FRMPD2: variants seen among roughly 807,000 people sequenced by gnomAD.
FRMPD2 encodes the protein FERM and PDZ domain containing 2.
FRMPD2 carries 96 observed loss-of-function variants against 140.1 expected under a neutral mutation model. The ratio of observed to expected loss-of-function variants is 0.69; its 90% CI spans 0.58 to 0.81. The LOEUF is 0.81. Among genes scored for constraint, FRMPD2 ranks in the 40% least tolerant of loss-of-function variants. The probability of loss-of-function intolerance (pLI) is 0.00; values close to 1 mark genes in which losing one functional copy is unlikely to be tolerated. For missense variants in FRMPD2, 1,240 were observed against 1,447.4 expected (o/e 0.86, Z 2.32); for synonymous variants, 449 against 547.6 (o/e 0.82, Z 2.52).
At chr10:48,195,745 G>A (rs1013213926) in intron 15 of FRMPD2, among the ~76,000 whole-genome samples, 5 of 152,124 alleles carry the variant, frequency 3.3e-5, no homozygotes, top group Non-Finnish European at 7.4e-5. Context: ...AAATGGGAAG[G>A]GTTCAGTAAA....
chr10:48,239,545 T>C, intron 7 of FRMPD2, 60 bp downstream of exon 7: 6 of 1,208,238 alleles, frequency 5.0e-6, no homozygotes, highest in Admixed American at 1.8e-5. Flanking sequence ...TAAGGTACCA[T>C]AGCCCCCACA....
intron 6 of FRMPD2, among the ~76,000 whole-genome samples, chr10:48,239,958 A>T (rs537438210): frequency 9.7e-4 from 147 of 152,258 alleles, no homozygotes; most frequent in African/African-American, 1.8e-3. Context: ...TAATTTTTTT[A>T]AAAAAAGCTC....
At chr10:48,198,998 C>G (rs143913410) in intron 15 of FRMPD2, among the ~76,000 whole-genome samples, 2,447 of 152,238 alleles carry the variant, frequency 0.016, 37 homozygotes, top group Middle Eastern at 0.041. Flanking sequence ...AACAGAAAAT[C>G]AAATACTGCA....
rs188195756 is a variant in FRMPD2, at chr10:48,239,039, T to C, written c.788+566A>G. ...CTCTCTCTCTCTCTCAGTTCCTCTC[T>C]GTCAGTTCTGCCATTGTCACGAGAA... is the stretch of plus-strand genomic sequence containing the variant. On this transcript the variant is annotated intron_variant, in intron 7 of 28. Transcript: ENST00000374201. Among the ~76,000 whole-genome samples, 360 of 152,330 alleles carry C rather than the reference T, an allele frequency of 2.4e-3. 2 individuals carry two copies. The highest frequency in any genetic ancestry group is 8.4e-3 in the African/African-American group (351 of 41,564).
intron 1 of FRMPD2, among the ~76,000 whole-genome samples, chr10:48,270,445 T>A (rs1158439276): frequency 6.6e-6 from 1 of 152,200 alleles, no homozygotes; most frequent in Non-Finnish European, 1.5e-5. Flanking sequence ...CAAAGATGTA[T>A]ATTCAAAGAT....
At chr10:48,191,800 C>G (rs954471468) in intron 16 of FRMPD2, among the ~76,000 whole-genome samples, 1 of 152,106 alleles carries the variant, frequency 6.6e-6, no homozygotes, top group Non-Finnish European at 1.5e-5. Flanking sequence ...ATTTATGAAT[C>G]GTTTTGTCAT....
intron 21 of FRMPD2, chr10:48,178,778 G>A (rs1223395494): frequency 6.5e-6 from 1 of 153,454 alleles, no homozygotes; most frequent in Non-Finnish European, 1.5e-5. Context: ...GCCCCAGCGT[G>A]AAGGCCTCTC....
intron 1 of FRMPD2, among the ~76,000 whole-genome samples, chr10:48,255,778 G>T (rs991150546): frequency 2.0e-5 from 3 of 152,160 alleles, no homozygotes; most frequent in African/African-American, 7.2e-5. Flanking sequence ...AGTTGAGAAG[G>T]CACCAGCCAT....
intron 14 of FRMPD2, among the ~76,000 whole-genome samples, chr10:48,202,562 GA>G (rs757529558): frequency 5.9e-5 from 9 of 152,256 alleles, no homozygotes; most frequent in Non-Finnish European, 1.2e-4. Context: ...GAATCCAATT[GA>G]ACTGTACTAT....
At chr10:48,209,638 T>C (rs1427767891) in intron 13 of FRMPD2, among the ~76,000 whole-genome samples, 1 of 152,232 alleles carries the variant, frequency 6.6e-6, no homozygotes, top group African/African-American at 2.4e-5. Flanking sequence ...CTTCCAGGCA[T>C]TTATAGCCCA....
chr10:48,227,406 A>T (rs543887119), intron 10 of FRMPD2, among the ~76,000 whole-genome samples: 4 of 152,340 alleles, frequency 2.6e-5, no homozygotes, highest in African/African-American at 7.2e-5. Flanking sequence ...ATGGCGAGCC[A>T]GCTGGCTAGG....
intron 13 of FRMPD2, among the ~76,000 whole-genome samples, chr10:48,208,459 C>A (rs1839248978): frequency 6.6e-6 from 1 of 152,176 alleles, no homozygotes; most frequent in Non-Finnish European, 1.5e-5. Flanking sequence ...ATCTTCAGAA[C>A]AATCACAGAG....
chr10:48,256,295 A>G (rs1840488736), intron 1 of FRMPD2, among the ~76,000 whole-genome samples: 1 of 149,890 alleles, frequency 6.7e-6, no homozygotes, highest in African/African-American at 2.4e-5. Context: ...AGCTGCAGGG[A>G]TCAGCCACCT....
At chr10:48,209,923 A>C (rs1839280126) in intron 13 of FRMPD2, among the ~76,000 whole-genome samples, 1 of 152,220 alleles carries the variant, frequency 6.6e-6, no homozygotes, top group Non-Finnish European at 1.5e-5. Context: ...TTAATTCAAA[A>C]GAAGTTTTCA....
chr10:48,238,916 C>G (rs1056769758), intron 7 of FRMPD2, among the ~76,000 whole-genome samples: 1 of 152,230 alleles, frequency 6.6e-6, no homozygotes, highest in Non-Finnish European at 1.5e-5. Context: ...ATATGGCCAA[C>G]AGAATGAAGT....
chr10:48,269,772 G>T (rs1840736261), intron 1 of FRMPD2, among the ~76,000 whole-genome samples: 1 of 152,190 alleles, frequency 6.6e-6, no homozygotes, highest in Non-Finnish European at 1.5e-5. Flanking sequence ...TGAAGAGGGG[G>T]TCCTTAACTC....
chr10:48,198,018 A>G (rs1420771337), intron 15 of FRMPD2, among the ~76,000 whole-genome samples: 3 of 152,232 alleles, frequency 2.0e-5, no homozygotes, highest in Non-Finnish European at 2.9e-5. Flanking sequence ...GTAAGTACTT[A>G]GCATAACACC....
At chr10:48,189,430 C>T (rs958628287) in intron 16 of FRMPD2, among the ~76,000 whole-genome samples, 17 of 152,336 alleles carry the variant, frequency 1.1e-4, no homozygotes, top group South Asian at 4.1e-4. Flanking sequence ...ACTGGCACCA[C>T]GTGCTGTGTA....
intron 10 of FRMPD2, among the ~76,000 whole-genome samples, chr10:48,224,195 C>T (rs936054026): frequency 1.3e-5 from 2 of 152,124 alleles, no homozygotes; most frequent in Non-Finnish European, 2.9e-5. Context: ...ACTGAAGGCC[C>T]CTCCCCCACC....
Sources: gnomAD v4.1 joint callset for allele counts (sites outside exome capture counted in the v4.1 genomes callset) on GRCh38, gnomAD v4.1.1 for gene constraint, MANE v1.5 for transcripts, NCBI Gene and HGNC (gene_info 2026-07-23, HGNC 2026-07-21) for gene names.